The following ACOX1 variants were observed in gnomAD, a reference collection of about 807,000 sequenced individuals.
ACOX1 encodes the protein acyl-CoA oxidase 1.
Under a neutral mutation model 75.5 loss-of-function variants are expected in ACOX1, and 41 were observed. The ratio of observed to expected loss-of-function variants is 0.54; its 90% CI spans 0.42 to 0.70. The LOEUF (loss-of-function observed/expected upper bound fraction) is 0.70, where lower values mean the gene tolerates loss of function less well. Ranked by LOEUF, ACOX1 falls within the 30% of genes least tolerant of loss-of-function variation. ACOX1 has a pLI of 0.00. For missense variants in ACOX1, 630 were observed against 837.5 expected, an observed-to-expected ratio of 0.75 and a Z score of 3.06; for synonymous variants, 303 against 298.8, an observed-to-expected ratio of 1.01 and a Z score of -0.15.
At chr17:75,975,554 C>A (rs2066040402) in intron 2 of ACOX1, among the ~76,000 whole-genome samples, 1 of 152,200 alleles carries the variant, frequency 6.6e-6, no homozygotes, top group Non-Finnish European at 1.5e-5. Flanking sequence ...TCTAATTAAT[C>A]AAAATGAATT....
Position 75,948,379 on chromosome 17 carries a change from C to A in ACOX1, c.1807G>T (p.Ala603Ser), listed in dbSNP as rs1264472786. The change falls in exon 13 of 14, where the codon GCT (alanine) becomes TCT (serine). Residue 603 changes from alanine (A) to serine (S), a missense_variant. Physicochemically the swap from Ala to Ser is moderately conservative, Grantham distance 99 (BLOSUM62 1). This residue lies in a region of ACOX1 where 240 missense variants were observed against 262.7 expected (regional missense o/e 0.91). Coordinates refer to ENST00000293217, the MANE Select transcript of ACOX1 (RefSeq NM_004035.7). Reference protein sequence around the residue: ...KELLTLIRSDAVALVDAFDFQ... With the variant: ...KELLTLIRSDSVALVDAFDFQ... ...TCAAATGCATCAACCAAAGCAACAG[C>A]ATCTGAGCGAATCAGAGTGAGTAAC... 6.2e-7 allele frequency: 1 copy of A among 1,614,134 alleles called. No homozygotes were observed. The highest frequency in any genetic ancestry group is 2.2e-5 in the East Asian group (1 of 44,884).
chr17:75,974,733 C>G (rs1453784349), intron 2 of ACOX1, among the ~76,000 whole-genome samples: 2 of 152,166 alleles, frequency 1.3e-5, no homozygotes, highest in East Asian at 3.9e-4. Context: ...AAACTACCAC[C>G]TTAAAAGAAA....
intron 4 of ACOX1, among the ~76,000 whole-genome samples, chr17:75,957,004 T>TACAC (rs1320194480): frequency 8.4e-5 from 8 of 95,346 alleles, no homozygotes; most frequent in South Asian, 7.0e-4. Flanking sequence ...TATATATATA[T>TACAC]ATATACACAC....
chr17:75,978,348 C>T lies in ACOX1; in HGVS notation c.269+186G>A. ...GACTTGGTGATCCGCCCGCCTCGGC[C>T]TCCCAAAGTGCTGGGATTACAGGCG... On this transcript the variant is annotated intron_variant, in intron 2 of 13. Transcript: ENST00000293217. The surrounding 1 kb of genome is among the most constrained non-coding windows in gnomAD (Gnocchi z 4.2). 1.5e-6 allele frequency: 1 copy of T among 657,732 alleles called. No individual in the cohort carries two copies. The highest frequency in any genetic ancestry group is 2.2e-5 in the Admixed American group (1 of 44,660). 40.7% of individuals were successfully genotyped at this position (657,732 alleles called of 1,614,324 possible).
chr17:75,968,264 G>T (rs1323667977), intron 2 of ACOX1, among the ~76,000 whole-genome samples: 19 of 147,736 alleles, frequency 1.3e-4, no homozygotes, highest in Admixed American at 1.3e-3. Flanking sequence ...GTGAAACCCC[G>T]TCTCTACTAA....
At chr17:75,954,674 C>A (rs1274627366) in intron 6 of ACOX1, among the ~76,000 whole-genome samples, 3 of 144,232 alleles carry the variant, frequency 2.1e-5, no homozygotes. Context: ...TGGGTTCAAG[C>A]GATTCTCCTG....
chr17:75,966,532 G>A (rs1273603320), intron 2 of ACOX1, among the ~76,000 whole-genome samples: 7 of 151,768 alleles, frequency 4.6e-5, no homozygotes, highest in Non-Finnish European at 7.4e-5. Flanking sequence ...GGCTGGGCAC[G>A]GTGGCTCACG....
rs892199676 is a variant in ACOX1 at position 75,951,682 on chromosome 17, C to T, written c.945-105G>A. ...CACTTGGTATTTTAACTTATTTAGT[C>T]CTCTTAAGGGCACTGTGAGGTAGTT... On this transcript the variant is annotated intron_variant, in intron 7 of 13. Transcript: ENST00000293217. The T allele has an allele frequency of 4.3e-6, 5 of 1,166,792 alleles. No individual in the cohort carries two copies. The African/African-American group carries it at 6.1e-5, about 14-fold the overall frequency. The allele number at this position is 1,166,792 out of a possible 1,614,324, so 72.3% of individuals were successfully genotyped here. A position where few individuals can be genotyped will look rare whatever the true frequency, so the allele number is the denominator to read the frequency against.
chr17:75,947,041 G>T (rs2065727042), intron 13 of ACOX1, among the ~76,000 whole-genome samples: 1 of 151,678 alleles, frequency 6.6e-6, no homozygotes, highest in Non-Finnish European at 1.5e-5. Context: ...GCTGCTATTT[G>T]TATTTTTTTG....
intron 2 of ACOX1, among the ~76,000 whole-genome samples, chr17:75,961,465 C>CAAAAAAAA (rs142857967): frequency 0.022 from 1,112 of 50,598 alleles, 1 homozygote; most frequent in African/African-American, 0.039. Context: ...ACTAAAAATA[C>CAAAAAAAA]AAAAAAAAAA....
At position 75,950,702 on chromosome 17, in the gene ACOX1, G is replaced by A; in HGVS notation, c.1298+72C>T. On this transcript the variant is annotated intron_variant, in intron 9 of 13. Transcript: ENST00000293217. The surrounding 1 kb of genome is among the most constrained non-coding windows in gnomAD (Gnocchi z 4.3). ...TATATACGGTGAAGAAAAACCATGG[G>A]AACAAGAACCTAGGAAAAGGACTAG... 2 of 1,521,486 alleles carry A rather than the reference G, an allele frequency of 1.3e-6. No homozygotes were observed. Among genetic ancestry groups the A allele is most frequent in the Non-Finnish European group, 1.8e-6 (2 of 1,097,938 alleles). The allele number at this position is 1,521,486 out of a possible 1,614,324, so 94.2% of individuals were successfully genotyped here. A position where few individuals can be genotyped will look rare whatever the true frequency, so the allele number is the denominator to read the frequency against.
chr17:75,974,663 G>A (rs932348948), intron 2 of ACOX1, among the ~76,000 whole-genome samples: 4 of 152,196 alleles, frequency 2.6e-5, no homozygotes, highest in Admixed American at 1.3e-4. Context: ...AATGAGCAGA[G>A]CATGAACTAA....
rs1048145167 is a variant in ACOX1, at chr17:75,960,476, A to C, written c.270-101T>G. 1 of 1,241,902 alleles carries C rather than the reference A, an allele frequency of 8.1e-7. No individual in the cohort carries two copies. Among genetic ancestry groups the C allele is most frequent in the Non-Finnish European group, 1.1e-6 (1 of 874,124 alleles). 76.9% of individuals were successfully genotyped at this position (1,241,902 alleles called of 1,614,324 possible). A position where few individuals can be genotyped will look rare whatever the true frequency, so the allele number is the denominator to read the frequency against. On this transcript the variant is annotated intron_variant, in intron 2 of 13. Transcript: ENST00000293217. The surrounding 1 kb of genome is among the most constrained non-coding windows in gnomAD (Gnocchi z 4.4). Reference sequence around the variant, plus strand: ...CAAGGGAAGGAGACAAAAAAACCTTAAGTATGAATTAGTTGCGTGCACTTA... The same window carrying C: ...CAAGGGAAGGAGACAAAAAAACCTTCAGTATGAATTAGTTGCGTGCACTTA...
intron 2 of ACOX1, among the ~76,000 whole-genome samples, chr17:75,966,715 G>A (rs1332349831): frequency 1.3e-5 from 2 of 152,086 alleles, no homozygotes; most frequent in East Asian, 3.9e-4. Flanking sequence ...AGGTAGAATC[G>A]CTTGAATCCA....
chr17:75,974,433 T>C (rs2066025299), intron 2 of ACOX1, among the ~76,000 whole-genome samples: 1 of 152,212 alleles, frequency 6.6e-6, no homozygotes, highest in African/African-American at 2.4e-5. Context: ...CTACATCACA[T>C]TGAAATTTAG....
intron 2 of ACOX1, among the ~76,000 whole-genome samples, chr17:75,971,255 C>T (rs182457101): frequency 6.7e-6 from 1 of 150,192 alleles, no homozygotes; most frequent in East Asian, 2.0e-4. Context: ...CGCGCCATTG[C>T]ACTCCAGCCT....
chr17:75,946,874 T>C lies in ACOX1; in HGVS notation c.1936-79A>G, dbSNP rs192764006. The C allele has an allele frequency of 4.2e-6, 6 of 1,416,482 alleles. No individual in the cohort carries two copies. The East Asian group carries it at 1.2e-4, about 28-fold the overall frequency. The allele number at this position is 1,416,482 out of a possible 1,614,324, so 87.7% of individuals were successfully genotyped here. A position where few individuals can be genotyped will look rare whatever the true frequency, so the allele number is the denominator to read the frequency against. On this transcript the variant is annotated intron_variant, in intron 13 of 13. Coordinates refer to ENST00000293217, the MANE Select transcript of ACOX1 (RefSeq NM_004035.7). ...AGTATACTGTTTTTTGTTTTTGTTT[T>C]TGTTTTTTTTTTGAGACTGAGTCCT...
intron 2 of ACOX1, among the ~76,000 whole-genome samples, chr17:75,972,324 C>CT (rs2066003644): frequency 1.5e-5 from 1 of 67,280 alleles, no homozygotes; most frequent in African/African-American, 8.9e-5. Context: ...GAGACTCTGT[C>CT]TCCAAAAAAA....
At chr17:75,976,821 C>T (rs888097012) in intron 2 of ACOX1, among the ~76,000 whole-genome samples, 5 of 152,000 alleles carry the variant, frequency 3.3e-5, no homozygotes, top group African/African-American at 7.3e-5. Flanking sequence ...CTAGTCTATA[C>T]ACCACTCATA....
Sources: gnomAD v4.1 joint callset for allele counts (sites outside exome capture counted in the v4.1 genomes callset) on GRCh38, gnomAD v4.1.1 for gene constraint, gnomAD v4.1.1 regional missense constraint, Gnocchi (gnomAD v3.1) non-coding constraint, MANE v1.5 for transcripts, NCBI Gene and HGNC (gene_info 2026-07-23, HGNC 2026-07-21) for gene names.